UVRAG: variants seen among roughly 807,000 people sequenced by gnomAD.
The protein encoded by UVRAG is UV radiation resistance-associated gene protein.
A neutral mutation model predicts 78.0 loss-of-function variants in UVRAG; 19 were observed. The observed-to-expected ratio is 0.24, with a 90% confidence interval of 0.17 to 0.36. UVRAG has a LOEUF of 0.36. UVRAG is among the 10% of genes least tolerant of loss of function. The pLI is 1.00. For missense variants in UVRAG, 740 were observed against 853.8 expected, an observed-to-expected ratio of 0.87 and a Z score of 1.66; for synonymous variants, 323 against 324.6, an observed-to-expected ratio of 1.00 and a Z score of 0.05.
intron 1 of UVRAG, among the ~76,000 whole-genome samples, chr11:75,829,329 C>T (rs554616273): frequency 6.6e-6 from 1 of 152,290 alleles, no homozygotes; most frequent in Admixed American, 6.5e-5. Flanking sequence ...AAAGCTGCTT[C>T]TCATGTATAC....
rs528800739 is a variant in UVRAG at position 76,030,545 on chromosome 11, G to C, written c.1226+13565G>C. ...TTCAAACTAAATAGTTCTCACCCTG[G>C]CCCACTATTTACTTTTTTAGTCATA... is the stretch of plus-strand genomic sequence containing the variant. On this transcript the variant is annotated intron_variant, in intron 12 of 14. Coordinates refer to ENST00000356136, the MANE Select transcript of UVRAG (RefSeq NM_003369.4). Among the ~76,000 whole-genome samples the C allele has an allele frequency of 3.9e-5, 6 of 152,200 alleles. No individual in the cohort carries two copies. The East Asian group carries it at 9.6e-4, about 24-fold the overall frequency.
intron 6 of UVRAG, among the ~76,000 whole-genome samples, chr11:75,950,952 T>A (rs897103128): frequency 1.4e-5 from 2 of 145,998 alleles, no homozygotes; most frequent in African/African-American, 5.4e-5. Flanking sequence ...ATAGAAGTCC[T>A]TTGTCAGGTG....
intron 4 of UVRAG, among the ~76,000 whole-genome samples, chr11:75,882,811 G>A (rs190395785): frequency 3.3e-5 from 5 of 151,622 alleles, no homozygotes; most frequent in South Asian, 4.2e-4. Flanking sequence ...TTTTTATTTT[G>A]TGTCCTATAG....
chr11:76,141,747 T>C lies in UVRAG; in HGVS notation c.*334T>C, dbSNP rs570189700. 19 of 266,472 alleles carry C rather than the reference T, an allele frequency of 7.1e-5. No homozygotes were observed. The highest frequency in any genetic ancestry group is 1.3e-4 in the Non-Finnish European group (18 of 139,058). The allele number at this position is 266,472 out of a possible 1,614,324, so 16.5% of individuals were successfully genotyped here. A position where few individuals can be genotyped will look rare whatever the true frequency, so the allele number is the denominator to read the frequency against. ...GTTATCCTCAGAGGGAAGATGATAA[T>C]ATATAAATAATATAATGAACACACC... On this transcript the variant is annotated 3_prime_UTR_variant, in exon 15 of 15. Transcript: ENST00000356136.
At chr11:75,876,494 A>G (rs963881657) in intron 3 of UVRAG, among the ~76,000 whole-genome samples, 6 of 152,216 alleles carry the variant, frequency 3.9e-5, no homozygotes, top group African/African-American at 1.4e-4. Context: ...CAGGGCTGCT[A>G]AAACAGTTAT....
In UVRAG at chr11:76,046,182, G is replaced by T. The variant is rs571205666; in HGVS notation, c.1227-19528G>T. Among the ~76,000 whole-genome samples, 173 of 152,250 alleles carry T rather than the reference G, an allele frequency of 1.1e-3. 1 individual carries two copies. The South Asian group carries it at 0.016, about 14-fold the overall frequency. ...CAGTCAAATAAAAGGGTAGAAAAAA[G>T]ACTTTTCAGGCATGAAAGTCCTATG... is the stretch of plus-strand genomic sequence containing the variant. On this transcript the variant is annotated intron_variant, in intron 12 of 14. Coordinates refer to ENST00000356136, the MANE Select transcript of UVRAG (RefSeq NM_003369.4).
At chr11:76,096,981 T>C (rs1365925058) in intron 13 of UVRAG, among the ~76,000 whole-genome samples, 1 of 152,026 alleles carries the variant, frequency 6.6e-6, no homozygotes, top group Non-Finnish European at 1.5e-5. Context: ...CTGGTAGCCA[T>C]AGCACTCTTT....
intron 14 of UVRAG, among the ~76,000 whole-genome samples, chr11:76,139,248 A>C (rs1952657600): frequency 6.6e-6 from 1 of 152,198 alleles, no homozygotes; most frequent in African/African-American, 2.4e-5. Flanking sequence ...GAGAGAGAGC[A>C]GGGAGCTGGG....
chr11:75,921,600 T>TA (rs1028561866), intron 6 of UVRAG, among the ~76,000 whole-genome samples: 47 of 152,110 alleles, frequency 3.1e-4, no homozygotes, highest in African/African-American at 1.1e-3. Flanking sequence ...AGGACTCTCC[T>TA]ATACCTTGCT....
chr11:75,980,152 T>G (rs773782354), intron 7 of UVRAG: 29 of 156,154 alleles, frequency 1.9e-4, no homozygotes, highest in Non-Finnish European at 2.3e-4. Context: ...TCTCTCTCTC[T>G]CTCTGTTTTG....
intron 14 of UVRAG, among the ~76,000 whole-genome samples, chr11:76,128,309 G>A (rs1447671423): frequency 3.9e-5 from 6 of 152,202 alleles, no homozygotes; most frequent in African/African-American, 1.4e-4. Flanking sequence ...AGAAGCTAAT[G>A]CCTGATGATC....
chr11:75,974,734 T>C (rs1160822812), intron 7 of UVRAG, among the ~76,000 whole-genome samples: 2 of 152,266 alleles, frequency 1.3e-5, no homozygotes, highest in Non-Finnish European at 1.5e-5. Flanking sequence ...GTTTGATTTT[T>C]TCTTGTAAAT....
intron 13 of UVRAG, among the ~76,000 whole-genome samples, chr11:76,096,353 C>T (rs1433220804): frequency 3.3e-5 from 5 of 152,068 alleles, no homozygotes; most frequent in East Asian, 1.9e-4. Flanking sequence ...AAGTTAAAAA[C>T]GTAAGAGTAC....
At chr11:75,975,250 G>A (rs1222669994) in intron 7 of UVRAG, among the ~76,000 whole-genome samples, 1 of 152,170 alleles carries the variant, frequency 6.6e-6, no homozygotes, top group African/African-American at 2.4e-5. Context: ...CCAGTACCAT[G>A]CTGTTTTGGT....
At chr11:75,965,241 C>G (rs536920243) in intron 7 of UVRAG, among the ~76,000 whole-genome samples, 2 of 152,218 alleles carry the variant, frequency 1.3e-5, no homozygotes, top group Non-Finnish European at 2.9e-5. Flanking sequence ...ATCTCTTTTA[C>G]TTAGATTTCT....
intron 6 of UVRAG, among the ~76,000 whole-genome samples, chr11:75,957,175 G>A (rs1417472773): frequency 1.3e-5 from 2 of 151,758 alleles, no homozygotes; most frequent in African/African-American, 4.8e-5. Flanking sequence ...TACATTTTTG[G>A]TCATAAGTGT....
At chr11:75,893,125 C>T (rs1422419324) in intron 5 of UVRAG, among the ~76,000 whole-genome samples, 7 of 151,148 alleles carry the variant, frequency 4.6e-5, no homozygotes, top group East Asian at 1.9e-4. Context: ...TGCAGTGAGC[C>T]GAGATCGCAC....
chr11:75,843,344 A>G (rs922827042), intron 1 of UVRAG, among the ~76,000 whole-genome samples: 63 of 152,192 alleles, frequency 4.1e-4, no homozygotes, highest in African/African-American at 1.4e-3. Flanking sequence ...CATTTCTTTT[A>G]TCTTGCCACT....
chr11:76,003,311 G>T (rs1258065253), intron 8 of UVRAG, among the ~76,000 whole-genome samples: 2 of 102,578 alleles, frequency 1.9e-5, no homozygotes, highest in Non-Finnish European at 3.5e-5. Flanking sequence ...TCGTTCTCTT[G>T]CCCAGGCTGG....
Sources: allele counts gnomAD v4.1 joint callset (sites outside exome capture counted in the v4.1 genomes callset), GRCh38; gene constraint gnomAD v4.1.1; transcripts MANE v1.5; gene names NCBI Gene and HGNC (gene_info 2026-07-23, HGNC 2026-07-21).